The following MOB3A variants were observed in gnomAD, a reference collection of about 807,000 sequenced individuals.
MOB3A encodes MOB kinase activator 3A, also known as MOB LAK.
MOB3A carries 17 observed loss-of-function variants against 17.8 expected under a neutral mutation model. The ratio of observed to expected loss-of-function variants is 0.95; its 90% CI spans 0.65 to 1.43. The LOEUF (loss-of-function observed/expected upper bound fraction) is 1.43, where lower values mean the gene tolerates loss of function less well. Among genes scored for constraint, MOB3A ranks in the 40% most tolerant of loss-of-function variants. MOB3A has a pLI of 0.00. For missense variants in MOB3A, 333 were observed against 310.8 expected (o/e 1.07, Z -0.54); for synonymous variants, 124 against 133.2 (o/e 0.93, Z 0.48).
chr19:2,090,750 G>A (rs1183006512), intron 1 of MOB3A, among the ~76,000 whole-genome samples: 2 of 151,918 alleles, frequency 1.3e-5, no homozygotes, highest in Non-Finnish European at 2.9e-5. Flanking sequence ...TGCAACCTCC[G>A]CCTACTGGGT....
chr19:2,077,602 C>T (rs2017428713), intron 3 of MOB3A, among the ~76,000 whole-genome samples: 1 of 151,980 alleles, frequency 6.6e-6, no homozygotes, highest in Admixed American at 6.6e-5. Context: ...GATTCTGAAA[C>T]CACTGAGAAC....
At chr19:2,074,693 C>T (rs1047121219) in intron 4 of MOB3A, among the ~76,000 whole-genome samples, 6 of 151,806 alleles carry the variant, frequency 4.0e-5, no homozygotes, top group African/African-American at 1.5e-4. Flanking sequence ...GCTGGGATCA[C>T]AAGTGCCCAC....
chr19:2,075,728 C>T (rs563956943), intron 4 of MOB3A, among the ~76,000 whole-genome samples: 6 of 152,206 alleles, frequency 3.9e-5, no homozygotes, highest in South Asian at 2.1e-4. Context: ...GACCCCACAC[C>T]GAGGAATCTG....
intron 1 of MOB3A, chr19:2,095,303 C>T (rs1405803568): frequency 1.3e-5 from 2 of 152,326 alleles, no homozygotes; most frequent in African/African-American, 4.8e-5. Flanking sequence ...TTTCCAATTT[C>T]CCCTCCCCTC....
At chr19:2,076,786 C>T (rs1254453996) in intron 4 of MOB3A, 25 bp downstream of exon 4, 6 of 1,609,786 alleles carry the variant, frequency 3.7e-6, no homozygotes, top group South Asian at 1.1e-5. Flanking sequence ...CGTAACCGCA[C>T]GCCCTCAGCC....
intron 1 of MOB3A, among the ~76,000 whole-genome samples, chr19:2,087,468 C>T (rs1425651805): frequency 2.0e-5 from 3 of 152,212 alleles, no homozygotes; most frequent in Non-Finnish European, 4.4e-5. Context: ...GCCTGGGCAA[C>T]ATAGTGAGAC....
intron 3 of MOB3A, among the ~76,000 whole-genome samples, chr19:2,077,244 A>G (rs1387153899): frequency 6.6e-6 from 1 of 152,086 alleles, no homozygotes; most frequent in African/African-American, 2.4e-5. Flanking sequence ...TTACTAAAAA[A>G]TACAAATATT....
intron 3 of MOB3A, among the ~76,000 whole-genome samples, chr19:2,077,879 C>T (rs2017432475): frequency 6.6e-6 from 1 of 152,026 alleles, no homozygotes; most frequent in South Asian, 2.1e-4. Flanking sequence ...AACCTCCTAG[C>T]CTCAAGCGAT....
intron 1 of MOB3A, among the ~76,000 whole-genome samples, chr19:2,095,558 C>T (rs1024290158): frequency 6.6e-6 from 1 of 152,284 alleles, no homozygotes; most frequent in Admixed American, 6.5e-5. Context: ...TGCGGGAGGG[C>T]AGCGGGCAGG....
chr19:2,083,364 C>T (rs891534940), intron 2 of MOB3A, among the ~76,000 whole-genome samples: 1 of 152,240 alleles, frequency 6.6e-6, no homozygotes, highest in African/African-American at 2.4e-5. Flanking sequence ...AGCCCTGCAC[C>T]TGCCCCAGTG....
chr19:2,080,480 C>T (rs920155144), intron 2 of MOB3A, among the ~76,000 whole-genome samples: 9 of 152,152 alleles, frequency 5.9e-5, no homozygotes, highest in South Asian at 4.1e-4. Context: ...CGGGTTCACG[C>T]GATTCTCCTG....
rs2017694780 is a variant in MOB3A, at chr19:2,096,288, C to G, written c.-336G>C. On this transcript the variant is annotated 5_prime_UTR_variant, in exon 1 of 5. Transcript: ENST00000357066. The stretch of plus-strand genomic sequence containing the variant: ...ACCCAACTGGCCGCCTCGGCCGCCT[C>G]AGCCGCCGCACCGCCTCGCAGCCGC... 6.3e-6 allele frequency: 1 copy of G among 158,538 alleles called. No individual in the cohort carries two copies. Among genetic ancestry groups the G allele is most frequent in the Middle Eastern group, 2.9e-3 (1 of 346 alleles). The allele number at this position is 158,538 out of a possible 1,614,324, so 9.8% of individuals were successfully genotyped here. A position where few individuals can be genotyped will look rare whatever the true frequency, so the allele number is the denominator to read the frequency against.
rs2017497776 is a variant in MOB3A at position 2,082,176 on chromosome 19, C to T, written c.-120+2999G>A. On this transcript the variant is annotated intron_variant, in intron 2 of 4. Transcript: ENST00000357066. The surrounding 1 kb of genome is among the most constrained non-coding windows in gnomAD (Gnocchi z 4.1). ...CCAACTAGGAACTTGAACTTTTCAT[C>T]TGCCTGGGACAAAAACCCTGTCTCC... Among the ~76,000 whole-genome samples, 1 of 152,270 alleles carries T rather than the reference C, an allele frequency of 6.6e-6. No individual in the cohort carries two copies. Among genetic ancestry groups the T allele is most frequent in the South Asian group, 2.1e-4 (1 of 4,836 alleles).
chr19:2,077,442 T>C (rs2017426683), intron 3 of MOB3A, among the ~76,000 whole-genome samples: 1 of 151,836 alleles, frequency 6.6e-6, no homozygotes, highest in Non-Finnish European at 1.5e-5. Flanking sequence ...AGGTACGCTG[T>C]ACTCTGGAGG....
At chr19:2,089,332 C>T (rs936030459) in intron 1 of MOB3A, among the ~76,000 whole-genome samples, 3 of 152,174 alleles carry the variant, frequency 2.0e-5, no homozygotes, top group Non-Finnish European at 4.4e-5. Context: ...TCAGATCCTT[C>T]AATTCTGAAT....
chr19:2,092,931 G>T (rs2017629847), intron 1 of MOB3A, among the ~76,000 whole-genome samples: 1 of 152,084 alleles, frequency 6.6e-6, no homozygotes, highest in Admixed American at 6.6e-5. Context: ...ACTCCGAAAG[G>T]CAGAAGTGAA....
rs141779492 is a variant in MOB3A at position 2,078,216 on chromosome 19, C to A, written c.345G>T (p.Ala115=). 2.5e-6 allele frequency: 4 copies of A among 1,613,220 alleles called. No homozygotes were observed. Among genetic ancestry groups the A allele is most frequent in the Non-Finnish European group, 3.4e-6 (4 of 1,179,456 alleles). Residue 115 remains alanine, a synonymous_variant, in exon 3 of 5, where the codon GCG becomes GCT. Transcript: ENST00000357066. ...HKFRKPTALS[A]PRYMDLLMDW... is the part of the protein sequence containing the mutation. ...CCATCAGCAGGTCCATGTACCTGGG[C>A]GCGGAGAGTGCCGTGGGCTTCCGGA...
At chr19:2,087,188 C>A (rs1484124341) in intron 1 of MOB3A, among the ~76,000 whole-genome samples, 1 of 152,206 alleles carries the variant, frequency 6.6e-6, no homozygotes, top group Non-Finnish European at 1.5e-5. Flanking sequence ...GCATACTGTC[C>A]TAATTCTCCT....
intron 1 of MOB3A, among the ~76,000 whole-genome samples, chr19:2,092,628 C>T (rs1309628149): frequency 6.6e-6 from 1 of 151,698 alleles, no homozygotes; most frequent in Non-Finnish European, 1.5e-5. Context: ...CGTGGTGGCG[C>T]ATGCCTGTAA....
Sources: allele counts gnomAD v4.1 joint callset (sites outside exome capture counted in the v4.1 genomes callset), GRCh38; gene constraint gnomAD v4.1.1; non-coding constraint Gnocchi (gnomAD v3.1); transcripts MANE v1.5; gene names NCBI Gene and HGNC (gene_info 2026-07-23, HGNC 2026-07-21).